The following SHISA9 variants were observed in gnomAD, a reference collection of about 807,000 sequenced individuals.
SHISA9 encodes protein shisa-9.
In SHISA9, 13 loss-of-function variants were observed where a neutral mutation model predicts 38.0. That is an observed-to-expected ratio of 0.34 (90% confidence interval 0.22 to 0.54). SHISA9 has a LOEUF of 0.54. Ranked by LOEUF, SHISA9 falls within the 20% of genes least tolerant of loss-of-function variation. The pLI is 0.91. For synonymous variants in SHISA9, 275 were observed against 242.0 expected, an observed-to-expected ratio of 1.14 and a Z score of -1.27; for missense variants, 538 against 575.8, an observed-to-expected ratio of 0.93 and a Z score of 0.67.
At chr16:13,475,657 T>C in the SHISA9 span, among the ~76,000 whole-genome samples, 5 of 152,166 alleles carry the variant, frequency 3.3e-5, no homozygotes, top group Non-Finnish European at 5.9e-5. Context: ...GATTCAAGCA[T>C]ATCACATTTA....
chr16:13,086,011 GA>G (rs1253502592), intron 2 of SHISA9, among the ~76,000 whole-genome samples: 1 of 151,856 alleles, frequency 6.6e-6, no homozygotes, highest in Non-Finnish European at 1.5e-5. Flanking sequence ...ATTGTTTAAA[GA>G]AAAAAACAGG....
intron 2 of SHISA9, among the ~76,000 whole-genome samples, chr16:13,108,858 T>A (rs1432034548): frequency 2.0e-5 from 3 of 152,096 alleles, no homozygotes; most frequent in African/African-American, 7.2e-5. Flanking sequence ...TATCCCTAGG[T>A]ATGGTCAATT....
At chr16:12,990,423 TCAGCAACCTCAC>T (rs899929790) in intron 2 of SHISA9, among the ~76,000 whole-genome samples, 1 of 152,232 alleles carries the variant, frequency 6.6e-6, no homozygotes, top group Non-Finnish European at 1.5e-5. Context: ...GTTCTTTTTC[TCAGCAACCTCAC>T]CAGCATCTGT....
At chr16:13,328,635 CATAT>C in the SHISA9 span, among the ~76,000 whole-genome samples, 24 of 92,886 alleles carry the variant, frequency 2.6e-4, no homozygotes, top group African/African-American at 1.1e-3. Context: ...CACACACACA[CATAT>C]ATATTGTATT....
intron 2 of SHISA9, among the ~76,000 whole-genome samples, chr16:13,168,439 A>G (rs994664102): frequency 1.3e-5 from 2 of 152,234 alleles, no homozygotes; most frequent in South Asian, 2.1e-4. Flanking sequence ...AGCGGCTTAC[A>G]TCATTTCTAC....
the SHISA9 span, among the ~76,000 whole-genome samples, chr16:13,445,335 A>G: frequency 6.6e-6 from 1 of 152,114 alleles, no homozygotes; most frequent in Non-Finnish European, 1.5e-5. Context: ...TTTGCTGAAA[A>G]ACAGTTAAAT....
chr16:13,177,553 C>T (rs889155175), intron 2 of SHISA9, among the ~76,000 whole-genome samples: 12 of 151,852 alleles, frequency 7.9e-5, no homozygotes, highest in African/African-American at 1.5e-4. Context: ...TTTTAAAAAG[C>T]GCAATTGAAA....
the SHISA9 span, among the ~76,000 whole-genome samples, chr16:13,269,006 TA>T: frequency 2.0e-5 from 3 of 151,180 alleles, no homozygotes; most frequent in East Asian, 1.9e-4. Context: ...GACATCCAGG[TA>T]AAAAAAAATA....
At chr16:13,053,224 A>C (rs1365529221) in intron 2 of SHISA9, among the ~76,000 whole-genome samples, 1 of 151,530 alleles carries the variant, frequency 6.6e-6, no homozygotes, top group Non-Finnish European at 1.5e-5. Context: ...CGGCCTCCCA[A>C]AGTGCTGGGA....
chr16:13,172,946 A>G (rs1020767763), intron 2 of SHISA9, among the ~76,000 whole-genome samples: 1 of 152,146 alleles, frequency 6.6e-6, no homozygotes, highest in African/African-American at 2.4e-5. Context: ...TCAACTGGCA[A>G]TAAAAATTCT....
At chr16:13,005,055 AGAATGTG>A (rs147191095) in intron 2 of SHISA9, among the ~76,000 whole-genome samples, 5,212 of 152,256 alleles carry the variant, frequency 0.034, 163 homozygotes, top group African/African-American at 0.087. Context: ...AGAGGGGTCA[AGAATGTG>A]TCCTGGATCT....
intron 1 of SHISA9, among the ~76,000 whole-genome samples, chr16:12,914,297 G>A (rs2071225698): frequency 6.6e-6 from 1 of 151,934 alleles, no homozygotes; most frequent in African/African-American, 2.4e-5. Context: ...GCCCACCTCG[G>A]CCTCCCAAAG....
chr16:12,970,438 TAC>T (rs1162079121), intron 2 of SHISA9, among the ~76,000 whole-genome samples: 58 of 54,714 alleles, frequency 1.1e-3, no homozygotes, highest in East Asian at 5.3e-3. Flanking sequence ...TATATATATA[TAC>T]ACACATATAT....
chr16:13,504,531 A>G, the SHISA9 span, among the ~76,000 whole-genome samples: 105 of 152,338 alleles, frequency 6.9e-4, no homozygotes, highest in Middle Eastern at 3.4e-3. Context: ...ATTAATTTCA[A>G]TACTTACAGT....
the SHISA9 span, among the ~76,000 whole-genome samples, chr16:13,308,630 G>T: frequency 6.6e-6 from 1 of 152,290 alleles, no homozygotes; most frequent in East Asian, 1.9e-4. Context: ...GTATCTCCAT[G>T]TTCATGATGG....
rs532379738 is a variant in SHISA9 at position 13,110,888 on chromosome 16, C to T, written c.692-92506C>T. Among the ~76,000 whole-genome samples, 12 of 152,276 alleles carry T rather than the reference C, an allele frequency of 7.9e-5. No individual in the cohort carries two copies. The East Asian group carries it at 1.7e-3, about 22-fold the overall frequency. On this transcript the variant is annotated intron_variant, in intron 2 of 4. Coordinates refer to ENST00000558583, the MANE Select transcript of SHISA9 (RefSeq NM_001145204.3). ...TGGTAACTGATCCTCCCCTCATGGG[C>T]CTGAAGGTATTAAAAAATATTTAGT...
the SHISA9 span, among the ~76,000 whole-genome samples, chr16:13,415,069 G>T: frequency 1.3e-5 from 2 of 152,114 alleles, no homozygotes; most frequent in African/African-American, 4.8e-5. Context: ...CATCTGATTG[G>T]CCAAAACTCA....
intron 2 of SHISA9, among the ~76,000 whole-genome samples, chr16:13,066,159 A>C (rs1469168818): frequency 6.6e-6 from 1 of 152,156 alleles, no homozygotes; most frequent in Non-Finnish European, 1.5e-5. Context: ...TAACACTGAG[A>C]TGGAAGATGC....
intron 2 of SHISA9, among the ~76,000 whole-genome samples, chr16:13,096,637 G>A (rs141285119): frequency 2.6e-4 from 40 of 152,258 alleles, no homozygotes; most frequent in Admixed American, 1.5e-3. Context: ...AGCCTTTCAC[G>A]GTGCCCAAAT....
Sources: gnomAD v4.1 joint callset for allele counts (sites outside exome capture counted in the v4.1 genomes callset) on GRCh38, gnomAD v4.1.1 for gene constraint, MANE v1.5 for transcripts, NCBI Gene and HGNC (gene_info 2026-07-23, HGNC 2026-07-21) for gene names.